FRMPD4: variants seen among roughly 807,000 people sequenced by gnomAD.
FRMPD4 encodes the protein FERM and PDZ domain-containing protein 4.
In FRMPD4, 22 loss-of-function variants were observed where a neutral mutation model predicts 94.1. That is an observed-to-expected ratio of 0.23 (90% confidence interval 0.17 to 0.33). The LOEUF (loss-of-function observed/expected upper bound fraction) is 0.33. FRMPD4 is among the 10% of genes least tolerant of loss of function. The pLI is 1.00. For synonymous variants in FRMPD4, 631 were observed against 548.6 expected (o/e 1.15, Z -2.10); for missense variants, 1,111 against 1,339.9 (o/e 0.83, Z 2.67).
chrX:12,609,951 C>T (rs767670623), intron 3 of FRMPD4, 70 bp downstream of exon 3: 33 of 992,888 alleles, frequency 3.3e-5, no homozygotes, highest in Non-Finnish European at 4.4e-5. Flanking sequence ...AACTACTGTT[C>T]AGTTTCATAA....
At chrX:12,572,034 A>G (rs2058765333) in intron 2 of FRMPD4, among the ~76,000 whole-genome samples, 1 of 112,400 alleles carries the variant, frequency 8.9e-6, no homozygotes, top group Non-Finnish European at 1.9e-5. Context: ...TCCCTTAAAA[A>G]GACAGTTTCT....
At chrX:12,356,331 A>G (rs2055895413) in intron 1 of FRMPD4, among the ~76,000 whole-genome samples, 1 of 112,390 alleles carries the variant, frequency 8.9e-6, no homozygotes, top group Non-Finnish European at 1.9e-5. Flanking sequence ...AATCAAAGCC[A>G]CTATTTAAAA....
At chrX:11,976,916 T>C (rs2054370301) in intron 3 of FRMPD4, among the ~76,000 whole-genome samples, 1 of 112,019 alleles carries the variant, frequency 8.9e-6, no homozygotes, top group Admixed American at 9.4e-5. Context: ...TTGTTCTTTT[T>C]TTAAAAAAAA....
intron 3 of FRMPD4, among the ~76,000 whole-genome samples, chrX:12,075,268 G>C (rs2055003794): frequency 9.1e-6 from 1 of 109,833 alleles, no homozygotes; most frequent in African/African-American, 3.3e-5. Context: ...GTGTGATAAT[G>C]TTGTATCGAT....
At chrX:12,552,541 A>G (rs1334974497) in intron 2 of FRMPD4, among the ~76,000 whole-genome samples, 1 of 111,941 alleles carries the variant, frequency 8.9e-6, no homozygotes, top group African/African-American at 3.2e-5. Flanking sequence ...GGTATATTCC[A>G]CTAGGGATGT....
At chrX:12,553,420 A>G (rs1384306746) in intron 2 of FRMPD4, among the ~76,000 whole-genome samples, 1 of 83,161 alleles carries the variant, frequency 1.2e-5, no homozygotes, top group Non-Finnish European at 2.3e-5. Flanking sequence ...GTTTTGTGAG[A>G]TCTATCCATA....
chrX:12,483,700 A>G (rs1449222127), intron 1 of FRMPD4, among the ~76,000 whole-genome samples: 1 of 111,967 alleles, frequency 8.9e-6, no homozygotes, highest in Non-Finnish European at 1.9e-5. Flanking sequence ...GTTTTACTGT[A>G]TTATTTTGTG....
chrX:12,309,416 CA>C (rs2054996310), intron 1 of FRMPD4, among the ~76,000 whole-genome samples: 1 of 112,042 alleles, frequency 8.9e-6, no homozygotes, highest in African/African-American at 3.2e-5. Context: ...TGAGTGGCAC[CA>C]AATTACTTAA....
chrX:11,989,045 G>A (rs10453779), intron 3 of FRMPD4, among the ~76,000 whole-genome samples: 9,064 of 111,673 alleles, frequency 0.081, 334 homozygotes, highest in East Asian at 0.24. Flanking sequence ...AGGACAGTTT[G>A]GATGTTCCTT....
At chrX:12,643,482 C>G (rs996687706) in intron 4 of FRMPD4, among the ~76,000 whole-genome samples, 1 of 111,502 alleles carries the variant, frequency 9.0e-6, no homozygotes, top group African/African-American at 3.3e-5. Flanking sequence ...AAAATGGAAT[C>G]TAGGAGACAA....
At chrX:12,578,116 C>G (rs1286303010) in intron 2 of FRMPD4, among the ~76,000 whole-genome samples, 1 of 112,418 alleles carries the variant, frequency 8.9e-6, no homozygotes. Flanking sequence ...GCCTTCCCCT[C>G]TTGACCTCAT....
intron 3 of FRMPD4, among the ~76,000 whole-genome samples, chrX:11,906,442 C>T (rs751734581): frequency 1.8e-5 from 2 of 111,426 alleles, no homozygotes; most frequent in Non-Finnish European, 3.8e-5. Context: ...CCACCGCACC[C>T]GGCCCAATTT....
intron 1 of FRMPD4, among the ~76,000 whole-genome samples, chrX:12,368,380 C>T (rs964535358): frequency 8.9e-6 from 1 of 112,267 alleles, no homozygotes; most frequent in Non-Finnish European, 1.9e-5. Context: ...TTAGAAAAAA[C>T]AACTAGTATA....
At chrX:12,016,347 C>T (rs928485738) in intron 3 of FRMPD4, among the ~76,000 whole-genome samples, 4 of 111,835 alleles carry the variant, frequency 3.6e-5, no homozygotes, top group Non-Finnish European at 5.6e-5. Context: ...ATGTGGTTAG[C>T]GTACTTATTA....
intron 1 of FRMPD4, among the ~76,000 whole-genome samples, chrX:11,838,010 A>G (rs1601794198): frequency 8.9e-6 from 1 of 111,888 alleles, no homozygotes; most frequent in Non-Finnish European, 1.9e-5. Flanking sequence ...CAGAGCTCAA[A>G]TATGACACAC....
chrX:12,488,541 A>C (rs911754669), intron 1 of FRMPD4, among the ~76,000 whole-genome samples: 16 of 112,042 alleles, frequency 1.4e-4, no homozygotes, highest in Admixed American at 3.8e-4. Context: ...AATTGTTCAG[A>C]GATTTAAAAC....
chrX:12,550,818 ACTTTCT>A (rs1323475542), intron 2 of FRMPD4, among the ~76,000 whole-genome samples: 10 of 76,634 alleles, frequency 1.3e-4, no homozygotes, highest in African/African-American at 5.1e-4. Context: ...ATGTGTACTT[ACTTTCT>A]CTTTTAGAGT....
chrX:12,442,448 G>A (rs1333277280), intron 1 of FRMPD4, among the ~76,000 whole-genome samples: 1 of 111,627 alleles, frequency 9.0e-6, no homozygotes, highest in Non-Finnish European at 1.9e-5. Flanking sequence ...TTGACAAATA[G>A]AAGTACTTGT....
At chrX:12,464,849 A>G (rs1416994735) in intron 1 of FRMPD4, among the ~76,000 whole-genome samples, 4 of 112,057 alleles carry the variant, frequency 3.6e-5, no homozygotes, top group African/African-American at 6.5e-5. Flanking sequence ...ACAATGCTGT[A>G]CTGGGAGTAG....
Sources: gnomAD v4.1 joint callset for allele counts (sites outside exome capture counted in the v4.1 genomes callset) on GRCh38, gnomAD v4.1.1 for gene constraint, MANE v1.5 for transcripts, NCBI Gene and HGNC (gene_info 2026-07-23, HGNC 2026-07-21) for gene names.